Variants in ATF7 observed in about 807,000 individuals in gnomAD.
The protein encoded by ATF7 is cyclic AMP-dependent transcription factor ATF-7.
Under a neutral mutation model 50.4 loss-of-function variants are expected in ATF7, and 10 were observed. The observed-to-expected ratio is 0.20, with a 90% CI of 0.12 to 0.34. The LOEUF (loss-of-function observed/expected upper bound fraction) is 0.34, where lower values mean the gene tolerates loss of function less well. ATF7 is among the 10% of genes least tolerant of loss of function. The pLI is 1.00. For synonymous variants in ATF7, 201 were observed against 226.4 expected, an observed-to-expected ratio of 0.89 and a Z score of 1.01; for missense variants, 465 against 613.9, an observed-to-expected ratio of 0.76 and a Z score of 2.56.
intron 3 of ATF7, among the ~76,000 whole-genome samples, chr12:53,548,725 C>T (rs868674250): frequency 1.6e-4 from 25 of 152,158 alleles, no homozygotes; most frequent in South Asian, 4.1e-4. Flanking sequence ...TGGTGGCTCA[C>T]GCCTCCCAGC....
At chr12:53,600,789 T>A in intron 2 of ATF7, 164 bp downstream of exon 2, 1 of 612,356 alleles carries the variant, frequency 1.6e-6, no homozygotes, top group Non-Finnish European at 2.9e-6. Flanking sequence ...TACGGTAGAG[T>A]GCCTACACTT....
At chr12:53,608,133 T>C (rs903939696) in intron 1 of ATF7, among the ~76,000 whole-genome samples, 3 of 147,938 alleles carry the variant, frequency 2.0e-5, no homozygotes, top group African/African-American at 7.5e-5. Flanking sequence ...GGCAGAAGAA[T>C]CACTTGAACC....
At chr12:53,602,024 T>C (rs1592967760) in intron 1 of ATF7, among the ~76,000 whole-genome samples, 1 of 152,122 alleles carries the variant, frequency 6.6e-6, no homozygotes, top group Non-Finnish European at 1.5e-5. Flanking sequence ...GGAATAAAAA[T>C]AGAAGTGGAG....
chr12:53,525,708 G>A (rs1434298995), intron 9 of ATF7, among the ~76,000 whole-genome samples: 1 of 152,120 alleles, frequency 6.6e-6, no homozygotes, highest in Non-Finnish European at 1.5e-5. Context: ...TGTTTTTAAA[G>A]TTCAAGCTGA....
intron 2 of ATF7, among the ~76,000 whole-genome samples, chr12:53,575,407 T>TAAAA (rs554041037): frequency 8.2e-6 from 1 of 121,790 alleles, no homozygotes; most frequent in East Asian, 2.4e-4. Flanking sequence ...AACTCTGTCT[T>TAAAA]AAAAAAAAAA....
intron 3 of ATF7, among the ~76,000 whole-genome samples, chr12:53,545,838 C>T (rs1442058619): frequency 2.0e-5 from 3 of 151,906 alleles, no homozygotes; most frequent in African/African-American, 7.3e-5. Context: ...GCGGATCCCC[C>T]CTTGAGCTCA....
At chr12:53,510,118 C>T (rs1349423990), downstream of ATF7, among the ~76,000 whole-genome samples, 1 of 151,576 alleles carries the variant, frequency 6.6e-6, no homozygotes, top group Non-Finnish European at 1.5e-5. Flanking sequence ...CGGCTCACCA[C>T]AACATCTGCC....
chr12:53,616,737 G>C (rs1448858164), intron 1 of ATF7, among the ~76,000 whole-genome samples: 11 of 151,570 alleles, frequency 7.3e-5, no homozygotes, highest in Non-Finnish European at 1.3e-4. Flanking sequence ...GAGCTCAGGA[G>C]TTCGAGACCA....
intron 2 of ATF7, among the ~76,000 whole-genome samples, chr12:53,573,523 G>A (rs1941888045): frequency 1.3e-5 from 2 of 151,972 alleles, no homozygotes; most frequent in Non-Finnish European, 1.5e-5. Context: ...TGAATTCTGC[G>A]GAATTTTTTT....
chr12:53,615,690 A>G lies in ATF7; in HGVS notation c.-22+10589T>C, dbSNP rs547130530. 7.7e-4 allele frequency among the ~76,000 whole-genome samples: 117 copies of G among 152,140 alleles called. 3 individuals carry two copies. In the South Asian group the frequency reaches 0.023, roughly 31 times the overall value. ...GGAGTTTTAGATCCCTGGGCAAGAG[A>G]GCAAAATCCTTTCTCTGCAAAATAA... On this transcript the variant is annotated intron_variant, in intron 1 of 11. Transcript: ENST00000420353.
intron 2 of ATF7, among the ~76,000 whole-genome samples, chr12:53,594,407 G>C (rs150065104): frequency 6.8e-4 from 104 of 152,238 alleles, no homozygotes; most frequent in African/African-American, 2.5e-3. Flanking sequence ...TTTTTGGGAA[G>C]GGCAGACTGG....
chr12:53,548,463 C>T (rs1024839192), intron 3 of ATF7, among the ~76,000 whole-genome samples: 1 of 152,006 alleles, frequency 6.6e-6, no homozygotes, highest in Non-Finnish European at 1.5e-5. Context: ...TCCCAAGTAG[C>T]TGGGACTACG....
At chr12:53,530,478 C>A (rs904030639) in intron 9 of ATF7, among the ~76,000 whole-genome samples, 1 of 152,046 alleles carries the variant, frequency 6.6e-6, no homozygotes, top group Admixed American at 6.6e-5. Flanking sequence ...CTAAATGGGA[C>A]CCCTCTGCCT....
intron 1 of ATF7, among the ~76,000 whole-genome samples, chr12:53,610,860 C>T (rs181290083): frequency 3.3e-5 from 5 of 152,226 alleles, no homozygotes; most frequent in Admixed American, 6.5e-5. Context: ...GACAAGGTCT[C>T]GCTGTCACCC....
chr12:53,618,409 T>C (rs1944231511), intron 1 of ATF7, among the ~76,000 whole-genome samples: 1 of 152,200 alleles, frequency 6.6e-6, no homozygotes, highest in Non-Finnish European at 1.5e-5. Flanking sequence ...GCTAATTTAA[T>C]ATGCACATTC....
At chr12:53,603,295 C>T (rs1047064086) in intron 1 of ATF7, among the ~76,000 whole-genome samples, 2 of 151,888 alleles carry the variant, frequency 1.3e-5, no homozygotes, top group African/African-American at 4.8e-5. Flanking sequence ...CTTGCCTTTG[C>T]ACAATCACAT....
At chr12:53,597,161 T>G (rs1489989823) in intron 2 of ATF7, among the ~76,000 whole-genome samples, 1 of 151,748 alleles carries the variant, frequency 6.6e-6, no homozygotes, top group East Asian at 1.9e-4. Flanking sequence ...CCGCTAAGAA[T>G]GCAGACAGCA....
intron 3 of ATF7, among the ~76,000 whole-genome samples, chr12:53,548,209 T>C (rs752866908): frequency 7.9e-5 from 12 of 152,030 alleles, no homozygotes; most frequent in Non-Finnish European, 1.3e-4. Context: ...GGGTCTCATG[T>C]TGCCCAGGGC....
intron 2 of ATF7, among the ~76,000 whole-genome samples, chr12:53,585,504 TA>T (rs968862615): frequency 1.2e-4 from 18 of 151,560 alleles, no homozygotes; most frequent in South Asian, 2.1e-4. Context: ...AAAACTGCTC[TA>T]AAAAAAATAG....
Sources: gnomAD v4.1 joint callset for allele counts (sites outside exome capture counted in the v4.1 genomes callset) on GRCh38, gnomAD v4.1.1 for gene constraint, MANE v1.5 for transcripts, NCBI Gene and HGNC (gene_info 2026-07-23, HGNC 2026-07-21) for gene names.